GPI: variants seen among roughly 807,000 people sequenced by gnomAD.
GPI encodes glucose-6-phosphate isomerase, also known as D-hexose-6-phosphate anomerase.
A neutral mutation model predicts 75.8 loss-of-function variants in GPI; 56 were observed. The observed-to-expected ratio is 0.74, with a 90% confidence interval of 0.60 to 0.92. The LOEUF (loss-of-function observed/expected upper bound fraction) is 0.92, where lower values mean the gene tolerates loss of function less well. Ranked by LOEUF, GPI falls within the 40% of genes least tolerant of loss-of-function variation. The probability of loss-of-function intolerance (pLI) is 0.00; values close to 1 mark genes in which losing one functional copy is unlikely to be tolerated. For synonymous variants in GPI, 288 were observed against 285.4 expected (o/e 1.01, Z -0.09); for missense variants, 638 against 741.0 (o/e 0.86, Z 1.61).
At position 34,368,515 on chromosome 19, in the gene GPI, G is replaced by T. The variant is rs926612093; in HGVS notation, c.283-68G>T. On this transcript the variant is annotated intron_variant, in intron 3 of 17. Coordinates refer to ENST00000356487, the MANE Select transcript of GPI (RefSeq NM_000175.5). ...ATAGAGGGCCGAGCTATGGCACCAT[G>T]CCCAGCTGGGAGCATGGCTGCCTGG... 3.2e-6 allele frequency: 5 copies of T among 1,573,860 alleles called. No homozygotes were observed. The African/African-American group carries it at 4.1e-5, about 13-fold the overall frequency.
At chr19:34,396,219 T>G in intron 12 of GPI, 82 bp from the exon 13 acceptor site, 8 of 1,519,706 alleles carry the variant, frequency 5.3e-6, no homozygotes, top group Non-Finnish European at 7.3e-6. Flanking sequence ...ATTACAGGCT[T>G]GAGCCACTGC....
chr19:34,366,265 T>C (rs997704729), intron 1 of GPI, 80 bp from the exon 2 acceptor site: 1 of 935,888 alleles, frequency 1.1e-6, no homozygotes. Flanking sequence ...ATGTTTCTTC[T>C]GGGAACAGCT....
At chr19:34,384,327 C>T (rs557100505) in intron 9 of GPI, among the ~76,000 whole-genome samples, 10 of 152,086 alleles carry the variant, frequency 6.6e-5, no homozygotes, top group Non-Finnish European at 1.0e-4. Flanking sequence ...ATCTAGCAGG[C>T]GAGGTTTCAG....
upstream of GPI, chr19:34,365,090 G>A (rs2145310618): frequency 1.4e-6 from 2 of 1,449,018 alleles, no homozygotes; most frequent in Non-Finnish European, 1.8e-6. Context: ...ACCCGGCCTG[G>A]GTATCGGGGC....
intron 4 of GPI, chr19:34,368,937 T>A (rs2074408711): frequency 1.7e-6 from 1 of 601,406 alleles, no homozygotes; most frequent in Non-Finnish European, 3.0e-6. Flanking sequence ...GGCCAGTTTC[T>A]TTCCTGAATT....
intron 4 of GPI, among the ~76,000 whole-genome samples, chr19:34,375,265 C>T (rs1462397724): frequency 6.6e-6 from 1 of 151,252 alleles, no homozygotes; most frequent in Admixed American, 6.6e-5. Flanking sequence ...GCCTCAGCCT[C>T]CCGAGTAGCT....
intron 15 of GPI, 30 bp from the exon 16 acceptor site, chr19:34,399,526 C>G: frequency 6.2e-7 from 1 of 1,609,924 alleles, no homozygotes; most frequent in Non-Finnish European, 8.5e-7. Context: ...TCAGGACTCT[C>G]TTGGAGACAT....
At chr19:34,387,017 A>G (rs1396373284) in intron 9 of GPI, among the ~76,000 whole-genome samples, 2 of 152,218 alleles carry the variant, frequency 1.3e-5, no homozygotes, top group Non-Finnish European at 2.9e-5. Flanking sequence ...AGCCAGACAC[A>G]GGATGTGGAC....
At chr19:34,380,597 T>C (rs75574990) in intron 8 of GPI, among the ~76,000 whole-genome samples, 6,329 of 152,304 alleles carry the variant, frequency 0.042, 191 homozygotes, top group Admixed American at 0.11. Flanking sequence ...AGTGACTGTA[T>C]GAGTAGGTGA....
rs1404544429 is a variant in GPI, at chr19:34,393,543, G to A, written c.866-185G>A. 1 of 714,142 alleles carries A rather than the reference G, an allele frequency of 1.4e-6. No individual in the cohort carries two copies. The highest frequency in any genetic ancestry group is 1.7e-5 in the African/African-American group (1 of 57,298). The allele number at this position is 714,142 out of a possible 1,614,324, so 44.2% of individuals were successfully genotyped here. A position where few individuals can be genotyped will look rare whatever the true frequency, so the allele number is the denominator to read the frequency against. On this transcript the variant is annotated intron_variant, in intron 10 of 17. Coordinates refer to ENST00000356487, the MANE Select transcript of GPI (RefSeq NM_000175.5). The surrounding 1 kb of genome is among the most constrained non-coding windows in gnomAD (Gnocchi z 4.4). ...GCAGTCCTGTTTCTCTCCTATCCTAGGCAGAGTCAGATCCCTGCACTCAGG... is the reference window on the plus strand; with the variant it reads ...GCAGTCCTGTTTCTCTCCTATCCTAAGCAGAGTCAGATCCCTGCACTCAGG...
In GPI at chr19:34,394,042, C is replaced by G; in HGVS notation, c.1038C>G (p.His346Gln). 6.2e-7 allele frequency: 1 copy of G among 1,612,694 alleles called. No homozygotes were observed. The highest frequency in any genetic ancestry group is 8.5e-7 in the Non-Finnish European group (1 of 1,179,786). Residue 346 changes from histidine (H) to glutamine (Q), a missense_variant, in exon 12 of 18, where the codon CAC (histidine) becomes CAG (glutamine). His to Gln is a conservative substitution (Grantham distance 24). Transcript: ENST00000356487. The stretch of plus-strand genomic sequence containing the variant: ...TGCTGCCCTATGACCAGTACCTGCA[C>G]CGCTTTGCTGCGTACTTCCAGCAGG... ...HAMLPYDQYL[H>Q]RFAAYFQQGD...
At chr19:34,364,296 A>G (rs931513138), upstream of GPI, among the ~76,000 whole-genome samples, 2 of 152,018 alleles carry the variant, frequency 1.3e-5, no homozygotes, top group African/African-American at 4.8e-5. Flanking sequence ...CTGGGATTAT[A>G]GGCAGGAGTG....
intron 9 of GPI, chr19:34,392,203 G>GGTCTTT (rs1568345748): frequency 5.7e-5 from 6 of 105,516 alleles, no homozygotes; most frequent in East Asian, 2.8e-4. Flanking sequence ...GTTGGATCTG[G>GGTCTTT]CCCCCTTATG....
intron 4 of GPI, among the ~76,000 whole-genome samples, chr19:34,373,984 T>G (rs1271536761): frequency 6.6e-6 from 1 of 152,180 alleles, no homozygotes; most frequent in East Asian, 1.9e-4. Context: ...TTTATTTTTT[T>G]GAGACAGAGT....
At chr19:34,364,969 C>A, upstream of GPI, 1 of 1,528,540 alleles carries the variant, frequency 6.5e-7, no homozygotes, top group South Asian at 1.2e-5. Flanking sequence ...CTCTGCCCAC[C>A]CTCCCCACTG....
chr19:34,389,847 C>T (rs1161434799), intron 9 of GPI, among the ~76,000 whole-genome samples: 4 of 152,180 alleles, frequency 2.6e-5, no homozygotes, highest in East Asian at 3.8e-4. Flanking sequence ...ATTTGATGTA[C>T]GTCTCTCTCC....
chr19:34,387,436 T>A (rs1012602141), intron 9 of GPI, among the ~76,000 whole-genome samples: 1 of 151,924 alleles, frequency 6.6e-6, no homozygotes, highest in East Asian at 1.9e-4. Context: ...GGCTCAATGG[T>A]GGTATGTTTA....
chr19:34,374,644 C>T (rs1405437241), intron 4 of GPI, among the ~76,000 whole-genome samples: 3 of 152,144 alleles, frequency 2.0e-5, no homozygotes, highest in African/African-American at 4.8e-5. Flanking sequence ...CTCACACACC[C>T]AGCATACAAT....
chr19:34,393,494 C>A lies in GPI; in HGVS notation c.865+186C>A. 1.4e-6 allele frequency: 1 copy of A among 726,394 alleles called. No homozygotes were observed. The highest frequency in any genetic ancestry group is 2.4e-6 in the Non-Finnish European group (1 of 408,992). The allele number at this position is 726,394 out of a possible 1,614,324, so 45.0% of individuals were successfully genotyped here. On this transcript the variant is annotated intron_variant, in intron 10 of 17. Transcript: ENST00000356487. This position sits in a 1 kb window ranked among gnomAD's most constrained non-coding sequence, Gnocchi z 4.4. ...GGGTTTTTTTGCGTGTGCAAGTTGG[C>A]CCCCGTCTTTGCCCCTCACAACTGC...
Sources: gnomAD v4.1 joint callset for allele counts (sites outside exome capture counted in the v4.1 genomes callset) on GRCh38, gnomAD v4.1.1 for gene constraint, Gnocchi (gnomAD v3.1) non-coding constraint, MANE v1.5 for transcripts, NCBI Gene and HGNC (gene_info 2026-07-23, HGNC 2026-07-21) for gene names.